The following ZFR variants were observed in gnomAD, a reference collection of about 807,000 sequenced individuals.
ZFR encodes the protein zinc finger RNA-binding protein.
In ZFR, 19 loss-of-function variants were observed where a neutral mutation model predicts 130.7. That is an observed-to-expected ratio of 0.15 (90% CI 0.10 to 0.21). The LOEUF is 0.21. Among genes scored for constraint, ZFR ranks in the 10% least tolerant of loss-of-function variants. The probability of loss-of-function intolerance (pLI) is 1.00; values close to 1 mark genes in which losing one functional copy is unlikely to be tolerated. For missense variants in ZFR, 872 were observed against 1,321.5 expected (o/e 0.66, Z 5.27); for synonymous variants, 466 against 456.9 (o/e 1.02, Z -0.25).
rs1488237649 is a variant in ZFR, at chr5:32,435,061, G to GGT, written c.137+9166_137+9167dup. On this transcript the variant is annotated intron_variant, in intron 2 of 19. Coordinates refer to ENST00000265069, the MANE Select transcript of ZFR (RefSeq NM_016107.5). ...AGCCTCTCGAGGAGCAGGGACCACA[G>GGT]GTGTATACCATGATGGGGGGTTAAT... Among the ~76,000 whole-genome samples, 3 of 152,056 alleles carry GGT rather than the reference G, an allele frequency of 2.0e-5. No individual in the cohort carries two copies. In the East Asian group the frequency reaches 5.8e-4, roughly 29 times the overall value.
At chr5:32,437,769 T>A (rs1754373025) in intron 2 of ZFR, among the ~76,000 whole-genome samples, 1 of 152,168 alleles carries the variant, frequency 6.6e-6, no homozygotes, top group Non-Finnish European at 1.5e-5. Context: ...TCCAACTGCT[T>A]ATATAAGCAT....
intron 2 of ZFR, among the ~76,000 whole-genome samples, chr5:32,422,798 CAAAAAA>C (rs10693151): frequency 5.0e-4 from 12 of 24,004 alleles, no homozygotes; most frequent in South Asian, 3.2e-3. Flanking sequence ...AAACCTGTCT[CAAAAAA>C]AAAAAAAAAA....
chr5:32,434,841 G>C (rs1333612192), intron 2 of ZFR, among the ~76,000 whole-genome samples: 2 of 152,116 alleles, frequency 1.3e-5, no homozygotes, highest in African/African-American at 2.4e-5. Context: ...ACTCAAAAAA[G>C]AAACTCACTA....
At chr5:32,375,981 ATAGGCG>A (rs1054548622) in intron 17 of ZFR, among the ~76,000 whole-genome samples, 1 of 151,578 alleles carries the variant, frequency 6.6e-6, no homozygotes, top group African/African-American at 2.4e-5. Context: ...AGCTGGGATT[ATAGGCG>A]TCTGCCACCA....
intron 17 of ZFR, among the ~76,000 whole-genome samples, chr5:32,377,628 G>C (rs1561870595): frequency 6.6e-6 from 1 of 151,796 alleles, no homozygotes; most frequent in Non-Finnish European, 1.5e-5. Flanking sequence ...TGGCAGTTAA[G>C]AAAAAAACAA....
intron 13 of ZFR, 25 bp from the exon 14 acceptor site, chr5:32,387,724 T>C (rs1253550628): frequency 6.3e-7 from 1 of 1,588,922 alleles, no homozygotes; most frequent in Non-Finnish European, 8.6e-7. Context: ...AATTATATTA[T>C]GATATTTCTC....
intron 5 of ZFR, among the ~76,000 whole-genome samples, chr5:32,409,071 T>C (rs561931230): frequency 6.6e-6 from 1 of 152,316 alleles, no homozygotes; most frequent in African/African-American, 2.4e-5. Flanking sequence ...ACCAAAAAGT[T>C]TAATTCTCTG....
At chr5:32,419,205 A>C (rs1753899495) in intron 3 of ZFR, among the ~76,000 whole-genome samples, 1 of 152,266 alleles carries the variant, frequency 6.6e-6, no homozygotes, top group African/African-American at 2.4e-5. Context: ...AATAACAAAC[A>C]AACAAACTTG....
chr5:32,406,126 A>G (rs1753575853), intron 6 of ZFR, among the ~76,000 whole-genome samples: 1 of 152,246 alleles, frequency 6.6e-6, no homozygotes, highest in Non-Finnish European at 1.5e-5. Context: ...ATTAATTTTA[A>G]TAAATAGAAT....
At chr5:32,426,106 T>C (rs541355433) in intron 2 of ZFR, among the ~76,000 whole-genome samples, 4 of 152,288 alleles carry the variant, frequency 2.6e-5, no homozygotes, top group Non-Finnish European at 5.9e-5. Context: ...AGGTTTATAA[T>C]TAATAGAAAC....
chr5:32,412,275 G>A (rs906213790), intron 5 of ZFR, among the ~76,000 whole-genome samples: 2 of 152,168 alleles, frequency 1.3e-5, no homozygotes, highest in Non-Finnish European at 2.9e-5. Context: ...TGAAATGGAA[G>A]GCTGGTCAAG....
intron 2 of ZFR, among the ~76,000 whole-genome samples, chr5:32,421,317 A>G (rs959990757): frequency 1.3e-5 from 2 of 152,222 alleles, no homozygotes; most frequent in Non-Finnish European, 2.9e-5. Flanking sequence ...AGAGAAAGAA[A>G]AAAAAAATGT....
At chr5:32,399,133 G>A (rs1753384842) in intron 9 of ZFR, among the ~76,000 whole-genome samples, 1 of 151,940 alleles carries the variant, frequency 6.6e-6, no homozygotes, top group Admixed American at 6.6e-5. Context: ...AAATCAGCTG[G>A]GGGTGGTGGC....
At chr5:32,364,575 A>C in intron 17 of ZFR, 1 of 160,550 alleles carries the variant, frequency 6.2e-6, no homozygotes, top group Non-Finnish European at 1.4e-5. Context: ...AAACCCCAAA[A>C]AACCAAAAAT....
At chr5:32,417,514 G>A in intron 4 of ZFR, 134 bp downstream of exon 4, 2 of 1,025,462 alleles carry the variant, frequency 2.0e-6, no homozygotes, top group South Asian at 3.2e-5. Flanking sequence ...CATTTAGTAG[G>A]ACAGGTCTAG....
chr5:32,419,851 T>G lies in ZFR; in HGVS notation c.390A>C (p.Pro130=), dbSNP rs751537428. 2 of 1,606,480 alleles carry G rather than the reference T, an allele frequency of 1.2e-6. No individual in the cohort carries two copies. Among genetic ancestry groups the G allele is most frequent in the South Asian group, 2.2e-5 (2 of 90,840 alleles). ...YTQRQQEAPP[P]PPPATTQNYQ... ...AGTTTTGTGTAGTAGCTGGGGGTGG[T>G]GGTGGTGGTGCTTCTTGTTGCCTCT... The change falls in exon 3 of 20, where the codon CCA becomes CCC. Residue 130 remains proline, a synonymous_variant. Coordinates refer to ENST00000265069, the MANE Select transcript of ZFR (RefSeq NM_016107.5).
intron 2 of ZFR, among the ~76,000 whole-genome samples, chr5:32,443,967 C>G (rs1365810546): frequency 6.6e-6 from 1 of 151,956 alleles, no homozygotes; most frequent in Non-Finnish European, 1.5e-5. Flanking sequence ...GCTGAAGGGC[C>G]CTGAGGCCTC....
chr5:32,380,286 C>T, intron 15 of ZFR, 114 bp from the exon 16 acceptor site: 1 of 621,558 alleles, frequency 1.6e-6, no homozygotes, highest in East Asian at 2.8e-5. Context: ...AGCTTGTTGG[C>T]ACTTTAATAT....
At chr5:32,428,341 G>A (rs1754122504) in intron 2 of ZFR, among the ~76,000 whole-genome samples, 2 of 152,186 alleles carry the variant, frequency 1.3e-5, no homozygotes, top group Non-Finnish European at 2.9e-5. Context: ...TTGAACCAAG[G>A]AGGCGGAGGT....
Sources: allele counts gnomAD v4.1 joint callset (sites outside exome capture counted in the v4.1 genomes callset), GRCh38; gene constraint gnomAD v4.1.1; transcripts MANE v1.5; gene names NCBI Gene and HGNC (gene_info 2026-07-23, HGNC 2026-07-21).